SAXO1: variants seen among roughly 807,000 people sequenced by gnomAD.
SAXO1 encodes 4930500O09Rik.
In SAXO1, 21 loss-of-function variants were observed where a neutral mutation model predicts 17.5. The observed-to-expected ratio is 1.20, with a 90% confidence interval of 0.85 to 1.72. SAXO1 has a LOEUF of 1.72. Ranked by LOEUF, SAXO1 falls within the 40% of genes most tolerant of loss-of-function variation. SAXO1 has a pLI of 0.00. For missense variants in SAXO1, 843 were observed against 596.0 expected (o/e 1.41, Z -4.32); for synonymous variants, 274 against 216.5 (o/e 1.27, Z -2.33).
At chr9:19,027,439 G>T in intron 1 of SAXO1, 1 of 758,234 alleles carries the variant, frequency 1.3e-6, no homozygotes, top group Non-Finnish European at 2.4e-6. Flanking sequence ...GGAACTGGTG[G>T]AGGCCACTGT....
chr9:19,027,832 C>CCGGGTG (rs1835564776), intron 1 of SAXO1: 1 of 1,452,926 alleles, frequency 6.9e-7, no homozygotes. Context: ...CAGTCACAAA[C>CCGGGTG]CGGGTGGACA....
intron 1 of SAXO1, among the ~76,000 whole-genome samples, chr9:18,960,870 T>C (rs899960108): frequency 6.6e-6 from 1 of 152,176 alleles, no homozygotes; most frequent in African/African-American, 2.4e-5. Context: ...AACTAATCTT[T>C]AGTGGGAAAA....
At chr9:18,994,200 C>T (rs1415508000) in intron 1 of SAXO1, among the ~76,000 whole-genome samples, 1 of 152,142 alleles carries the variant, frequency 6.6e-6, no homozygotes, top group Non-Finnish European at 1.5e-5. Flanking sequence ...ATCATGCCAC[C>T]AGCAAGGGTA....
In SAXO1 at chr9:18,927,936, G is replaced by C. The variant is rs1239344105; in HGVS notation, c.*116C>G. 8.3e-7 allele frequency: 1 copy of C among 1,198,992 alleles called. No individual in the cohort carries two copies. Among genetic ancestry groups the C allele is most frequent in the African/African-American group, 1.5e-5 (1 of 65,632 alleles). 74.3% of individuals were successfully genotyped at this position (1,198,992 alleles called of 1,614,324 possible). A position where few individuals can be genotyped will look rare whatever the true frequency, so the allele number is the denominator to read the frequency against. ...ATTCAAGTGCTCTGGAAGTGGTGAA[G>C]GTTTTTTGTTTTTTGTTTTTTGTCA... On this transcript the variant is annotated 3_prime_UTR_variant, in exon 4 of 4. Coordinates refer to ENST00000380534, the MANE Select transcript of SAXO1 (RefSeq NM_153707.4).
intron 1 of SAXO1, among the ~76,000 whole-genome samples, chr9:19,044,671 G>A (rs1836162771): frequency 6.6e-6 from 1 of 152,034 alleles, no homozygotes; most frequent in South Asian, 2.1e-4. Context: ...GACCATCCTG[G>A]CTAACACGGT....
intron 1 of SAXO1, among the ~76,000 whole-genome samples, chr9:18,976,080 A>T (rs1406704826): frequency 6.6e-6 from 1 of 152,234 alleles, no homozygotes; most frequent in Non-Finnish European, 1.5e-5. Flanking sequence ...AAAAAACATG[A>T]TATTCCAATA....
At chr9:18,979,667 G>T (rs1390635187) in intron 1 of SAXO1, among the ~76,000 whole-genome samples, 1 of 152,136 alleles carries the variant, frequency 6.6e-6, no homozygotes, top group African/African-American at 2.4e-5. Flanking sequence ...AGAGTGTATG[G>T]GCTGAGAGGA....
At chr9:19,008,731 C>T (rs940746348) in intron 1 of SAXO1, among the ~76,000 whole-genome samples, 4 of 152,116 alleles carry the variant, frequency 2.6e-5, no homozygotes. Flanking sequence ...CCACTCAGCC[C>T]GACTATGACG....
At chr9:19,001,958 C>G (rs1364108945) in intron 1 of SAXO1, among the ~76,000 whole-genome samples, 1 of 152,030 alleles carries the variant, frequency 6.6e-6, no homozygotes. Context: ...AATCCAGGAG[C>G]TGGTTTTTTG....
At chr9:19,038,182 T>G (rs1469421316), upstream of SAXO1, among the ~76,000 whole-genome samples, 1 of 152,178 alleles carries the variant, frequency 6.6e-6, no homozygotes. Flanking sequence ...GTTCAACCAT[T>G]GTGGAAGGCA....
At chr9:18,979,891 G>C (rs1336237506) in intron 1 of SAXO1, among the ~76,000 whole-genome samples, 1 of 151,384 alleles carries the variant, frequency 6.6e-6, no homozygotes, top group African/African-American at 2.4e-5. Flanking sequence ...CAGTTGTCTG[G>C]CTATGAGATG....
intron 1 of SAXO1, among the ~76,000 whole-genome samples, chr9:19,042,130 A>C (rs754630677): frequency 3.3e-5 from 5 of 152,376 alleles, no homozygotes; most frequent in Non-Finnish European, 5.9e-5. Context: ...TAATGGGCAA[A>C]AGATCTGAAT....
intron 3 of SAXO1, among the ~76,000 whole-genome samples, chr9:18,939,220 G>C (rs1444114045): frequency 2.6e-5 from 4 of 152,206 alleles, no homozygotes; most frequent in African/African-American, 9.7e-5. Context: ...CTCAATGTCT[G>C]TGCTGCCTTA....
chr9:18,940,508 G>C (rs959626239), intron 3 of SAXO1, among the ~76,000 whole-genome samples: 1 of 152,162 alleles, frequency 6.6e-6, no homozygotes, highest in East Asian at 1.9e-4. Flanking sequence ...GGCCCTTCTA[G>C]GAGCTCACAT....
intron 1 of SAXO1, among the ~76,000 whole-genome samples, chr9:19,048,691 T>G (rs1228437888): frequency 6.6e-6 from 1 of 152,256 alleles, no homozygotes; most frequent in Non-Finnish European, 1.5e-5. Context: ...CTGTGTAACT[T>G]GGTCAAGTGA....
chr9:18,945,573 G>T (rs1183462817), intron 2 of SAXO1, among the ~76,000 whole-genome samples: 1 of 152,138 alleles, frequency 6.6e-6, no homozygotes, highest in East Asian at 1.9e-4. Flanking sequence ...TGAATCACAG[G>T]GTTTGATTCA....
rs1554667863 is a variant in SAXO1, at chr9:18,938,830, G to GTGTGTGTGTGTGTA, written c.421+2806_421+2807insTACACACACACACA. On this transcript the variant is annotated intron_variant, in intron 3 of 3. Transcript: ENST00000380534. ...GGTGCATGCGTGCGTGCGTGTGTGT[G>GTGTGTGTGTGTGTA]TGTGTGTGTGTGTGTGTGTGTGTAT... Among the ~76,000 whole-genome samples, 610 of 147,860 alleles carry GTGTGTGTGTGTGTA rather than the reference G, an allele frequency of 4.1e-3. 6 individuals carry two copies. Among genetic ancestry groups the GTGTGTGTGTGTGTA allele is most frequent in the Middle Eastern group, 6.9e-3 (2 of 290 alleles).
At position 18,996,649 on chromosome 9, in the gene SAXO1, C is replaced by T. The variant is rs920811204; in HGVS notation, c.38+36222G>A. On this transcript the variant is annotated intron_variant, in intron 1 of 3. Transcript: ENST00000380534. Reference sequence around the variant, plus strand: ...TTTGGTAAAATTCAACATCCTTTCTCGACAAAAAAAACACTCACTAAACTA... The same window carrying T: ...TTTGGTAAAATTCAACATCCTTTCTTGACAAAAAAAACACTCACTAAACTA... 6.6e-5 allele frequency among the ~76,000 whole-genome samples: 10 copies of T among 151,850 alleles called. No homozygotes were observed. The East Asian group carries it at 9.6e-4, about 15-fold the overall frequency.
intron 1 of SAXO1, among the ~76,000 whole-genome samples, chr9:18,952,513 C>A (rs1273010733): frequency 6.6e-6 from 1 of 152,186 alleles, no homozygotes. Context: ...ATCTACTCTC[C>A]AGAGAAAATC....
Sources: gnomAD v4.1 joint callset for allele counts (sites outside exome capture counted in the v4.1 genomes callset) on GRCh38, gnomAD v4.1.1 for gene constraint, MANE v1.5 for transcripts, NCBI Gene and HGNC (gene_info 2026-07-23, HGNC 2026-07-21) for gene names.